Variants in PRTG observed in about 807,000 individuals in gnomAD.
PRTG encodes the protein immunoglobulin superfamily, DCC subclass, member 5.
A neutral mutation model predicts 122.5 loss-of-function variants in PRTG; 67 were observed. The observed-to-expected ratio is 0.55, with a 90% CI of 0.45 to 0.67. The LOEUF is 0.67. PRTG is among the 30% of genes least tolerant of loss of function. The probability of loss-of-function intolerance (pLI) is 0.00; values close to 1 mark genes in which losing one functional copy is unlikely to be tolerated. For missense variants in PRTG, 1,435 were observed against 1,415.4 expected, an observed-to-expected ratio of 1.01 and a Z score of -0.22; for synonymous variants, 554 against 501.1, an observed-to-expected ratio of 1.11 and a Z score of -1.41.
At chr15:55,682,795 T>C (rs1418835782) in intron 3 of PRTG, among the ~76,000 whole-genome samples, 1 of 152,050 alleles carries the variant, frequency 6.6e-6, no homozygotes, top group Non-Finnish European at 1.5e-5. Context: ...ATTTCTGACC[T>C]CAAGTGATCT....
At position 55,614,815 on chromosome 15, in the gene PRTG, C is replaced by A. The variant is rs757205217; in HGVS notation, c.*5197G>T. The stretch of plus-strand genomic sequence containing the variant: ...GGGCACATGACCTCAGATTTCCAAT[C>A]TCTTTAATGCTACAGACATTTTACA... On this transcript the variant is annotated 3_prime_UTR_variant, in exon 20 of 20. Transcript: ENST00000389286. 8 of 152,092 alleles carry A rather than the reference C, an allele frequency of 5.3e-5. No individual in the cohort carries two copies. The highest frequency in any genetic ancestry group is 3.3e-4 in the Admixed American group (5 of 15,248). The allele number at this position is 152,092 out of a possible 1,614,324, so 9.4% of individuals were successfully genotyped here.
chr15:55,643,863 GA>G (rs2059306037), intron 11 of PRTG, among the ~76,000 whole-genome samples: 1 of 150,262 alleles, frequency 6.7e-6, no homozygotes, highest in Non-Finnish European at 1.5e-5. Flanking sequence ...TAATAATAAT[GA>G]TTTTTTTTTT....
intron 11 of PRTG, among the ~76,000 whole-genome samples, chr15:55,648,588 C>A (rs2059336551): frequency 6.6e-6 from 1 of 152,042 alleles, no homozygotes; most frequent in African/African-American, 2.4e-5. Context: ...GAGTGATGAC[C>A]CACTCATCCA....
In PRTG at chr15:55,679,408, T is replaced by C; in HGVS notation, c.1011A>G (p.Thr337=). ...PSFVEWPESL[T]RPRAGTARFV... ...ATCGAGCAGTGCCAGCTCGAGGCCT[T>C]GTTAAACTTTCTGGCCATTCAACAA... The change falls in exon 7 of 20, where the codon ACA becomes ACG. Residue 337 remains threonine (T), a synonymous_variant. Coordinates refer to ENST00000389286, the MANE Select transcript of PRTG (RefSeq NM_173814.6). 1.2e-6 allele frequency: 2 copies of C among 1,612,766 alleles called. No individual in the cohort carries two copies. Among genetic ancestry groups the C allele is most frequent in the Non-Finnish European group, 8.5e-7 (1 of 1,179,234 alleles).
At chr15:55,622,543 C>T (rs570587238) in intron 18 of PRTG, among the ~76,000 whole-genome samples, 2 of 108,950 alleles carry the variant, frequency 1.8e-5, no homozygotes, top group East Asian at 5.6e-4. Context: ...ACTACCATGA[C>T]CGGCTAATTT....
At chr15:55,670,663 G>A (rs4774220) in intron 11 of PRTG, among the ~76,000 whole-genome samples, 37,087 of 152,014 alleles carry the variant, frequency 0.24, 5,229 homozygotes, top group East Asian at 0.57. Context: ...CACTTTGGGA[G>A]GCTGAGATGG....
chr15:55,737,427 T>TGG (rs1208327657), intron 2 of PRTG, among the ~76,000 whole-genome samples: 1 of 152,198 alleles, frequency 6.6e-6, no homozygotes, highest in Non-Finnish European at 1.5e-5. Flanking sequence ...TCCAGGCCTT[T>TGG]GGGGAGGAAC....
At chr15:55,658,945 G>A (rs1270926282) in intron 11 of PRTG, among the ~76,000 whole-genome samples, 3 of 152,176 alleles carry the variant, frequency 2.0e-5, no homozygotes, top group Non-Finnish European at 4.4e-5. Context: ...AGGAAGAGAT[G>A]AATCAATTGT....
At chr15:55,692,173 T>C (rs1401294515) in intron 2 of PRTG, among the ~76,000 whole-genome samples, 1 of 152,206 alleles carries the variant, frequency 6.6e-6, no homozygotes, top group Non-Finnish European at 1.5e-5. Context: ...CTAATAGGAA[T>C]ATCAGTTTTT....
At chr15:55,727,160 T>C (rs2031064868) in intron 2 of PRTG, among the ~76,000 whole-genome samples, 1 of 151,062 alleles carries the variant, frequency 6.6e-6, no homozygotes, top group South Asian at 2.1e-4. Context: ...TAATTAAGAC[T>C]AGAGTGGTGA....
In PRTG at chr15:55,673,606, T is replaced by G; in HGVS notation, c.1617A>C (p.Pro539=). 1 of 1,614,210 alleles carries G rather than the reference T, an allele frequency of 6.2e-7. No homozygotes were observed. The highest frequency in any genetic ancestry group is 1.6e-4 in the Middle Eastern group (1 of 6,062). The change falls in exon 10 of 20, where the codon CCA becomes CCC. Residue 539 remains proline (P), a synonymous_variant. Transcript: ENST00000389286. ...SPTDILISWL[P]IPAKYRRGQV... The stretch of plus-strand genomic sequence containing the variant: ...GGCCCCGCCGATATTTGGCTGGGAT[T>G]GGCAGCCAGGAGATGAGAATATCAG...
At chr15:55,637,702 G>C (rs943140126) in intron 14 of PRTG, among the ~76,000 whole-genome samples, 2 of 151,946 alleles carry the variant, frequency 1.3e-5, no homozygotes, top group South Asian at 2.1e-4. Context: ...TTACTAACAT[G>C]TATAGAACAT....
chr15:55,683,454 T>C (rs1479925971), intron 3 of PRTG, among the ~76,000 whole-genome samples: 1 of 152,146 alleles, frequency 6.6e-6, no homozygotes, highest in Non-Finnish European at 1.5e-5. Flanking sequence ...GAAAGACCCT[T>C]ACACCAACAC....
At chr15:55,680,362 G>A in intron 5 of PRTG, 129 bp downstream of exon 5, 2 of 1,189,604 alleles carry the variant, frequency 1.7e-6, no homozygotes, top group Non-Finnish European at 2.3e-6. Context: ...TCACTGAAAT[G>A]CCAAAAAAAT....
At chr15:55,709,536 C>A (rs1356210976) in intron 2 of PRTG, among the ~76,000 whole-genome samples, 1 of 151,756 alleles carries the variant, frequency 6.6e-6, no homozygotes, top group Admixed American at 6.6e-5. Context: ...TAGGTATCTA[C>A]CCAAGTGAAA....
At chr15:55,640,348 T>A (rs949171153) in intron 12 of PRTG, among the ~76,000 whole-genome samples, 1 of 152,226 alleles carries the variant, frequency 6.6e-6, no homozygotes, top group African/African-American at 2.4e-5. Context: ...ACCTCCATTA[T>A]AATTTTATGG....
intron 2 of PRTG, among the ~76,000 whole-genome samples, chr15:55,733,806 G>A (rs1443990165): frequency 2.0e-5 from 3 of 152,112 alleles, no homozygotes; most frequent in Non-Finnish European, 4.4e-5. Context: ...CAGCCTGGAT[G>A]ACAGAGCAAG....
chr15:55,647,319 G>C (rs1009947981), intron 11 of PRTG, among the ~76,000 whole-genome samples: 1 of 152,136 alleles, frequency 6.6e-6, no homozygotes, highest in African/African-American at 2.4e-5. Context: ...AGTCTGGCTG[G>C]CTAAGAAAGA....
chr15:55,624,332 A>C lies in PRTG; in HGVS notation c.3093+10T>G. 1 of 1,611,482 alleles carries C rather than the reference A, an allele frequency of 6.2e-7. No individual in the cohort carries two copies. The highest frequency in any genetic ancestry group is 8.5e-7 in the Non-Finnish European group (1 of 1,178,682). On this transcript the variant is annotated intron_variant, in intron 18 of 19. Transcript: ENST00000389286. ...GAACGGCTTATGCAGCAAATCCCGC[A>C]GCTCAGTACCTTTGCATCAATGAAG... is the stretch of plus-strand genomic sequence containing the variant.
Sources: allele counts gnomAD v4.1 joint callset (sites outside exome capture counted in the v4.1 genomes callset), GRCh38; gene constraint gnomAD v4.1.1; transcripts MANE v1.5; gene names NCBI Gene and HGNC (gene_info 2026-07-23, HGNC 2026-07-21).